Variants in TMEM132C observed in about 807,000 individuals in gnomAD.
TMEM132C encodes the protein transmembrane protein 132C, also known as protein phosphatase 1, regulatory subunit 152.
Under a neutral mutation model 61.4 loss-of-function variants are expected in TMEM132C, and 29 were observed. That is an observed-to-expected ratio of 0.47 (90% CI 0.35 to 0.64). The LOEUF is 0.64. TMEM132C is among the 30% of genes least tolerant of loss of function. TMEM132C has a pLI of 0.00. For missense variants in TMEM132C, 1,408 were observed against 1,476.9 expected (o/e 0.95, Z 0.76); for synonymous variants, 656 against 633.1 (o/e 1.04, Z -0.54).
chr12:128,612,254 T>A (rs1415753234), intron 3 of TMEM132C, among the ~76,000 whole-genome samples: 1 of 152,138 alleles, frequency 6.6e-6, no homozygotes, highest in African/African-American at 2.4e-5. Context: ...TTGTCTGAGA[T>A]CTCCAACTCC....
Position 128,358,524 on chromosome 12 carries a change from T to TGTGTGC in TMEM132C, c.86-56206_86-56205insGTGCGT, listed in dbSNP as rs1293267412. 3.3e-5 allele frequency among the ~76,000 whole-genome samples: 5 copies of TGTGTGC among 151,984 alleles called. No homozygotes were observed. The East Asian group carries it at 9.7e-4, about 29-fold the overall frequency. ...GTGTGTGTGTGTGTGTGTGTGTGTG[T>TGTGTGC]GTCTAGTGCATGTGCGCCTGAACTT... On this transcript the variant is annotated intron_variant, in intron 1 of 8. Transcript: ENST00000435159.
rs150475890 is a variant in TMEM132C, at chr12:128,351,920, G to A, written c.86-62812G>A. On this transcript the variant is annotated intron_variant, in intron 1 of 8. Transcript: ENST00000435159. Reference sequence around the variant, plus strand: ...TGAGTAGGTTTATTATAAGGAATTGGCTCATGCAATTATGGAGGCTGAGAA... The same window carrying A: ...TGAGTAGGTTTATTATAAGGAATTGACTCATGCAATTATGGAGGCTGAGAA... 3.1e-3 allele frequency among the ~76,000 whole-genome samples: 468 copies of A among 152,274 alleles called. 3 individuals carry two copies. The highest frequency in any genetic ancestry group is 0.011 in the African/African-American group (454 of 41,542).
At chr12:128,674,022 C>G (rs891115236) in intron 5 of TMEM132C, among the ~76,000 whole-genome samples, 14 of 152,206 alleles carry the variant, frequency 9.2e-5, no homozygotes, top group African/African-American at 3.4e-4. Flanking sequence ...CAACTCACTT[C>G]AAATGTACAA....
intron 3 of TMEM132C, among the ~76,000 whole-genome samples, chr12:128,608,869 A>C (rs1359784160): frequency 1.3e-5 from 2 of 152,132 alleles, no homozygotes; most frequent in African/African-American, 4.8e-5. Context: ...AGGATTGCAG[A>C]TCTTTTAAGC....
chr12:128,450,032 G>A (rs1282077570), intron 2 of TMEM132C, among the ~76,000 whole-genome samples: 2 of 152,152 alleles, frequency 1.3e-5, no homozygotes, highest in Non-Finnish European at 2.9e-5. Context: ...GTTACTAAAA[G>A]TAGCTCAGTG....
rs752979852 is a variant in TMEM132C, at chr12:128,624,543, CAAAAAAAAAAA to C, written c.1305+8222_1305+8232del. 2.4e-4 allele frequency among the ~76,000 whole-genome samples: 8 copies of C among 32,900 alleles called. No homozygotes were observed. In the East Asian group the frequency reaches 2.6e-3, roughly 11 times the overall value. 21.6% of individuals were successfully genotyped at this position (32,900 alleles called of 152,430 possible). ...TGGGTGATAGAGTGAGACTCCATCT[CAAAAAAAAAAA>C]AAAAAAAAAAAAAGGAATGAAAATG... On this transcript the variant is annotated intron_variant, in intron 4 of 8. Transcript: ENST00000435159.
intron 1 of TMEM132C, among the ~76,000 whole-genome samples, chr12:128,300,053 A>G (rs1223690268): frequency 6.6e-6 from 1 of 152,248 alleles, no homozygotes; most frequent in Non-Finnish European, 1.5e-5. Flanking sequence ...AAGACAGGTA[A>G]GAGCAAGAGT....
At chr12:128,355,946 AT>A (rs1270763678) in intron 1 of TMEM132C, among the ~76,000 whole-genome samples, 1 of 151,874 alleles carries the variant, frequency 6.6e-6, no homozygotes, top group East Asian at 1.9e-4. Context: ...GTCACGGTGT[AT>A]TTTACTATTT....
At chr12:128,544,177 T>C in intron 3 of TMEM132C, 74 bp downstream of exon 3, 1 of 1,435,024 alleles carries the variant, frequency 7.0e-7, no homozygotes, top group South Asian at 1.5e-5. Flanking sequence ...GTAAGAGCCT[T>C]GACTTGGACT....
chr12:128,532,541 A>G (rs1873350991), intron 2 of TMEM132C, among the ~76,000 whole-genome samples: 1 of 145,250 alleles, frequency 6.9e-6, no homozygotes, highest in African/African-American at 2.6e-5. Flanking sequence ...TGGGAGGCTG[A>G]GGCAGGAGAA....
At chr12:128,642,702 T>G (rs1954166806) in intron 4 of TMEM132C, among the ~76,000 whole-genome samples, 1 of 152,216 alleles carries the variant, frequency 6.6e-6, no homozygotes, top group Non-Finnish European at 1.5e-5. Flanking sequence ...TTGTACAGCC[T>G]GCAGAACCAT....
chr12:128,571,282 A>G (rs769026771), intron 3 of TMEM132C, among the ~76,000 whole-genome samples: 2 of 152,148 alleles, frequency 1.3e-5, no homozygotes, highest in South Asian at 2.1e-4. Flanking sequence ...ACATCTCACT[A>G]TCATTTAATC....
intron 1 of TMEM132C, among the ~76,000 whole-genome samples, chr12:128,390,503 G>A (rs1466498219): frequency 6.6e-6 from 1 of 152,078 alleles, no homozygotes; most frequent in Non-Finnish European, 1.5e-5. Context: ...AGAACCCCAG[G>A]TTACATGGGG....
Position 128,414,805 on chromosome 12 carries a change from C to T in TMEM132C, c.159C>T (p.Tyr53=). 1 of 1,543,066 alleles carries T rather than the reference C, an allele frequency of 6.5e-7. No homozygotes were observed. Among genetic ancestry groups the T allele is most frequent in the Non-Finnish European group, 8.7e-7 (1 of 1,146,940 alleles). The part of the protein sequence containing the change: ...SSLPPYLPVS[Y]HILRAETSFF... The stretch of plus-strand genomic sequence containing the variant: ...TGCCACCTTACCTACCTGTGAGCTA[C>T]CACATCCTCAGAGCAGAGACCTCCT... Residue 53 remains tyrosine, a synonymous_variant, in exon 2 of 9, where the codon TAC becomes TAT. Transcript: ENST00000435159.
chr12:128,604,128 CAT>C (rs1414738221), intron 3 of TMEM132C, among the ~76,000 whole-genome samples: 4 of 152,154 alleles, frequency 2.6e-5, no homozygotes, highest in Non-Finnish European at 5.9e-5. Flanking sequence ...TCCCCAGAGA[CAT>C]AGAACCAATG....
In TMEM132C at chr12:128,633,903, A is replaced by G. The variant is rs370255160; in HGVS notation, c.1305+17568A>G. 8.5e-5 allele frequency among the ~76,000 whole-genome samples: 13 copies of G among 152,376 alleles called. No individual in the cohort carries two copies. The East Asian group carries it at 1.7e-3, about 20-fold the overall frequency. ...TTCCCAAGATAATGGGATAAGAGCCAAGGGCAGATGTCAAGCTAACTGCAG... is the reference window on the plus strand; with the variant it reads ...TTCCCAAGATAATGGGATAAGAGCCGAGGGCAGATGTCAAGCTAACTGCAG... On this transcript the variant is annotated intron_variant, in intron 4 of 8. Transcript: ENST00000435159.
rs150751347 is a variant in TMEM132C, at chr12:128,430,924, T to C, written c.974+15304T>C. Among the ~76,000 whole-genome samples the C allele has an allele frequency of 2.3e-3, 352 of 152,266 alleles. 1 individual carries two copies. In the Middle Eastern group the frequency reaches 0.037, roughly 16 times the overall value. On this transcript the variant is annotated intron_variant, in intron 2 of 8. Transcript: ENST00000435159. The stretch of plus-strand genomic sequence containing the variant: ...CCCTAAGATGTAACAATATTGAAAT[T>C]AGGCTAATGAATAACCCTACACGGG...
chr12:128,384,540 T>C (rs1416119560), intron 1 of TMEM132C, among the ~76,000 whole-genome samples: 1 of 152,214 alleles, frequency 6.6e-6, no homozygotes, highest in Non-Finnish European at 1.5e-5. Flanking sequence ...AAGCCCGTGA[T>C]GGTGGGTCGG....
chr12:128,270,661 CTCTTG>C (rs1870479024), intron 1 of TMEM132C, among the ~76,000 whole-genome samples: 1 of 152,228 alleles, frequency 6.6e-6, no homozygotes, highest in Non-Finnish European at 1.5e-5. Context: ...ACGAATGATG[CTCTTG>C]TCTTGTCCTG....
Sources: allele counts gnomAD v4.1 joint callset (sites outside exome capture counted in the v4.1 genomes callset), GRCh38; gene constraint gnomAD v4.1.1; transcripts MANE v1.5; gene names NCBI Gene and HGNC (gene_info 2026-07-23, HGNC 2026-07-21).